The following PAQR5 variants were observed in gnomAD, a reference collection of about 807,000 sequenced individuals.
The protein encoded by PAQR5 is membrane progestin receptor gamma.
PAQR5 carries 20 observed loss-of-function variants against 34.5 expected under a neutral mutation model. The ratio of observed to expected loss-of-function variants is 0.58; its 90% confidence interval spans 0.41 to 0.84. PAQR5 has a LOEUF of 0.84. Ranked by LOEUF, PAQR5 falls within the 40% of genes least tolerant of loss-of-function variation. PAQR5 has a pLI of 0.00. For synonymous variants in PAQR5, 131 were observed against 155.6 expected, an observed-to-expected ratio of 0.84 and a Z score of 1.18; for missense variants, 378 against 412.7, an observed-to-expected ratio of 0.92 and a Z score of 0.73.
chr15:69,366,777 T>TA (rs751428854), intron 3 of PAQR5, among the ~76,000 whole-genome samples: 41 of 152,326 alleles, frequency 2.7e-4, no homozygotes, highest in East Asian at 2.5e-3. Context: ...TGAGATGTGT[T>TA]AAAAAATCTT....
chr15:69,390,352 A>T (rs9708103), intron 6 of PAQR5, among the ~76,000 whole-genome samples: 18,437 of 127,348 alleles, frequency 0.14, 1,760 homozygotes, highest in Non-Finnish European at 0.19. Flanking sequence ...TTATTTATTT[A>T]TTTATTTATT....
chr15:69,322,805 GGAAGAGGAA>G lies in PAQR5; in HGVS notation c.-276-14530_-276-14522del, dbSNP rs1459115235. Among the ~76,000 whole-genome samples, 7 of 20,998 alleles carry G rather than the reference GGAAGAGGAA, an allele frequency of 3.3e-4. 3 individuals are homozygous for G. The highest frequency in any genetic ancestry group is 1.0e-3 in the African/African-American group (6 of 5,766). The allele number at this position is 20,998 out of a possible 152,430, so 13.8% of individuals were successfully genotyped here. ...AAGAAGACGAGGAAGAAGAAGAAGA[GGAAGAGGAA>G]GAAGAAGAAGAAGAAGAAGAAGAGG... On this transcript the variant is annotated intron_variant, in intron 1 of 8. Transcript: ENST00000395407.
intron 1 of PAQR5, among the ~76,000 whole-genome samples, chr15:69,300,061 A>G (rs2140489854): frequency 6.6e-6 from 1 of 152,154 alleles, no homozygotes; most frequent in South Asian, 2.1e-4. Flanking sequence ...CGGGTTTCCC[A>G]CCGCATCCTT....
intron 8 of PAQR5, among the ~76,000 whole-genome samples, chr15:69,402,128 C>G (rs1254298582): frequency 1.3e-5 from 2 of 152,192 alleles, no homozygotes; most frequent in Non-Finnish European, 2.9e-5. Flanking sequence ...GTATCACAGA[C>G]TGTTGTGGCC....
At chr15:69,339,167 T>TCCCCCCCC (rs1567007977) in intron 2 of PAQR5, among the ~76,000 whole-genome samples, 1 of 45,558 alleles carries the variant, frequency 2.2e-5, no homozygotes, top group Non-Finnish European at 1.1e-4. Flanking sequence ...GCCCACTGGC[T>TCCCCCCCC]ACACCCCCCA....
At position 69,358,287 on chromosome 15, in the gene PAQR5, A is replaced by T. The variant is rs145084291; in HGVS notation, c.-115-1679A>T. 1.0e-3 allele frequency among the ~76,000 whole-genome samples: 153 copies of T among 151,716 alleles called. 1 individual carries two copies. Among genetic ancestry groups the T allele is most frequent in the Middle Eastern group, 3.4e-3 (1 of 294 alleles). On this transcript the variant is annotated intron_variant, in intron 2 of 8. Transcript: ENST00000395407. ...CTGCATTTAAGCAATCTTGTTACTT[A>T]CTCTTGAGTTGCTCTGTCTCCAACA...
intron 2 of PAQR5, among the ~76,000 whole-genome samples, chr15:69,345,155 G>T (rs979971111): frequency 6.6e-6 from 1 of 151,086 alleles, no homozygotes. Flanking sequence ...AAGAAGAAAG[G>T]AAAGAAAGAA....
chr15:69,400,039 C>A lies in PAQR5; in HGVS notation c.675C>A (p.Ile225=), dbSNP rs1417290617. 1 of 1,614,040 alleles carries A rather than the reference C, an allele frequency of 6.2e-7. No homozygotes were observed. Among genetic ancestry groups the A allele is most frequent in the East Asian group, 2.2e-5 (1 of 44,902 alleles). Residue 225 remains isoleucine (I), a synonymous_variant, in exon 8 of 9, where the codon ATC becomes ATA. Transcript: ENST00000395407. The part of the protein sequence containing the change: ...EATSYHQKHM[I]MTLLASFLYS... ...CCTCGTACCACCAGAAGCACATGAT[C>A]ATGACCCTCCTGGCCTCTTTCTTGT...
At chr15:69,391,699 G>A in intron 6 of PAQR5, 1 of 456,034 alleles carries the variant, frequency 2.2e-6, no homozygotes, top group Non-Finnish European at 4.4e-6. Context: ...GGATTAGACA[G>A]GGAGAGTACC....
intron 3 of PAQR5, chr15:69,379,672 C>A: frequency 1.2e-6 from 1 of 869,022 alleles, no homozygotes; most frequent in Non-Finnish European, 1.4e-6. Context: ...CCTTGAATTC[C>A]CTCCCCCAGC....
chr15:69,329,527 T>C (rs2140659736), intron 1 of PAQR5, among the ~76,000 whole-genome samples: 1 of 148,706 alleles, frequency 6.7e-6, no homozygotes, highest in East Asian at 2.1e-4. Flanking sequence ...CTCTGTCTGA[T>C]TGTTACCAGT....
intron 6 of PAQR5, chr15:69,391,745 C>T (rs757712945): frequency 1.3e-5 from 6 of 453,648 alleles, no homozygotes; most frequent in South Asian, 4.7e-5. Context: ...GAGAAGGCTT[C>T]GTGAGTGTGG....
At chr15:69,355,467 C>T (rs1415241017) in intron 2 of PAQR5, among the ~76,000 whole-genome samples, 1 of 150,132 alleles carries the variant, frequency 6.7e-6, no homozygotes, top group East Asian at 2.0e-4. Flanking sequence ...GTTGCCCAGG[C>T]TGGAGTGTAG....
At chr15:69,394,883 T>C (rs940087597) in intron 6 of PAQR5, among the ~76,000 whole-genome samples, 12 of 152,222 alleles carry the variant, frequency 7.9e-5, no homozygotes, top group African/African-American at 2.7e-4. Flanking sequence ...CTGTCTCTCT[T>C]CTCTTCTGCT....
chr15:69,300,948 C>CTTTCTTTCTTTCTTTCTTTCTTTCT, intron 1 of PAQR5, among the ~76,000 whole-genome samples: 1 of 3,626 alleles, frequency 2.8e-4, no homozygotes, highest in South Asian at 0.025. Flanking sequence ...TCTTTCTTTC[C>CTTTCTTTCTTTCTTTCTTTCTTTCT]TTCTTTCTTT....
intron 1 of PAQR5, among the ~76,000 whole-genome samples, chr15:69,308,747 T>G (rs1045114083): frequency 5.9e-5 from 9 of 151,990 alleles, no homozygotes; most frequent in Admixed American, 2.6e-4. Flanking sequence ...GAGGAGAGTA[T>G]TCAAGGCACA....
intron 3 of PAQR5, among the ~76,000 whole-genome samples, chr15:69,377,640 G>T (rs1265245154): frequency 6.6e-6 from 1 of 152,148 alleles, no homozygotes; most frequent in South Asian, 2.1e-4. Flanking sequence ...GGAATGTGCT[G>T]ACCATTCAGC....
At chr15:69,360,238 T>G in intron 3 of PAQR5, 107 bp downstream of exon 3, 1 of 747,080 alleles carries the variant, frequency 1.3e-6, no homozygotes, top group Non-Finnish European at 2.3e-6. Flanking sequence ...TACAGGCCCA[T>G]TCCCTTCAAG....
chr15:69,389,694 G>T lies in PAQR5; in HGVS notation c.426G>T (p.Ala142=). The T allele has an allele frequency of 6.2e-7, 1 of 1,614,140 alleles. No homozygotes were observed. The highest frequency in any genetic ancestry group is 8.5e-7 in the Non-Finnish European group (1 of 1,179,996). The stretch of plus-strand genomic sequence containing the variant: ...ACTCTGCATACACGTTCCCGGATGC[G>T]CTCATGTGCACCACTTTCCATGACT... The part of the protein sequence containing the change: ...IAYSAYTFPD[A]LMCTTFHDYY... The change falls in exon 6 of 9, where the codon GCG becomes GCT. Residue 142 remains alanine (A), a synonymous_variant. Coordinates refer to ENST00000395407, the MANE Select transcript of PAQR5 (RefSeq NM_017705.4).
Sources: allele counts gnomAD v4.1 joint callset (sites outside exome capture counted in the v4.1 genomes callset), GRCh38; gene constraint gnomAD v4.1.1; transcripts MANE v1.5; gene names NCBI Gene and HGNC (gene_info 2026-07-23, HGNC 2026-07-21).